CMTM6: variants seen among roughly 807,000 people sequenced by gnomAD.
CMTM6 encodes the protein CKLF like MARVEL transmembrane domain containing 6, also known as CKLF-like MARVEL transmembrane domain-containing protein 6.
A neutral mutation model predicts 13.6 loss-of-function variants in CMTM6; 5 were observed. The ratio of observed to expected loss-of-function variants is 0.37; its 90% CI spans 0.19 to 0.77. The LOEUF (loss-of-function observed/expected upper bound fraction) is 0.77, where lower values mean the gene tolerates loss of function less well. CMTM6 is among the 30% of genes least tolerant of loss of function. The pLI, the probability that CMTM6 is intolerant of heterozygous loss-of-function variation, is 0.50. For missense variants in CMTM6, 196 were observed against 218.6 expected (o/e 0.90, Z 0.65); for synonymous variants, 99 against 84.5 (o/e 1.17, Z -0.94).
chr3:32,492,013 A>C, intron 1 of CMTM6, 127 bp from the exon 2 acceptor site: 1 of 790,394 alleles, frequency 1.3e-6, no homozygotes, highest in East Asian at 2.7e-5. Flanking sequence ...AACAAGATTA[A>C]TGAATAAACC....
At chr3:32,492,796 C>T (rs1286466695) in intron 1 of CMTM6, among the ~76,000 whole-genome samples, 11 of 152,184 alleles carry the variant, frequency 7.2e-5, no homozygotes, top group South Asian at 2.1e-4. Flanking sequence ...AACTTAAAAA[C>T]GCACATTTAT....
At chr3:32,497,382 CA>C (rs144445988) in intron 1 of CMTM6, among the ~76,000 whole-genome samples, 1,941 of 53,592 alleles carry the variant, frequency 0.036, 18 homozygotes, top group Middle Eastern at 0.13. Context: ...GACTCTGTCT[CA>C]AAAAAAAAAA....
rs1397186708 is a variant in CMTM6 at position 32,483,448 on chromosome 3, A to G, written c.*512T>C. On this transcript the variant is annotated 3_prime_UTR_variant, in exon 4 of 4. Transcript: ENST00000205636. ...AAGCCTGGTAATATATGTTAAGGAA[A>G]AAAACCTAGACCAACATTTTAAATA... 6.6e-6 allele frequency: 1 copy of G among 152,422 alleles called. No individual in the cohort carries two copies. The highest frequency in any genetic ancestry group is 1.9e-4 in the East Asian group (1 of 5,206). The allele number at this position is 152,422 out of a possible 1,614,324, so 9.4% of individuals were successfully genotyped here.
intron 1 of CMTM6, among the ~76,000 whole-genome samples, chr3:32,501,545 T>G (rs1335608695): frequency 1.3e-5 from 2 of 152,228 alleles, no homozygotes; most frequent in African/African-American, 4.8e-5. Context: ...ATGTGATCAT[T>G]TTGATCGCTA....
rs1697169567 is a variant in CMTM6 at position 32,483,008 on chromosome 3, TAAGG to T, written c.*948_*951del. Reference sequence around the variant, plus strand: ...AACAGATTGGCTTCAAAGAAAACACTAAGGAAGACCCACAGAGCTGTATTAATTT... The same window carrying T: ...AACAGATTGGCTTCAAAGAAAACACTAAGACCCACAGAGCTGTATTAATTT... On this transcript the variant is annotated 3_prime_UTR_variant, in exon 4 of 4. Coordinates refer to ENST00000205636, the MANE Select transcript of CMTM6 (RefSeq NM_017801.3). The T allele has an allele frequency of 2.0e-5, 3 of 152,714 alleles. No homozygotes were observed. The South Asian group carries it at 6.2e-4, about 32-fold the overall frequency. 9.5% of individuals were successfully genotyped at this position (152,714 alleles called of 1,614,324 possible).
intron 1 of CMTM6, among the ~76,000 whole-genome samples, chr3:32,501,823 C>A (rs1697348072): frequency 6.6e-6 from 1 of 152,150 alleles, no homozygotes; most frequent in Non-Finnish European, 1.5e-5. Context: ...TAAACTGGTT[C>A]AACCATCAGT....
intron 1 of CMTM6, among the ~76,000 whole-genome samples, chr3:32,497,212 T>C (rs954492295): frequency 2.7e-4 from 41 of 151,088 alleles, no homozygotes; most frequent in African/African-American, 9.2e-4. Flanking sequence ...TGAAACCCCG[T>C]CTCTACTAAA....
chr3:32,502,160 G>T (rs556467839), intron 1 of CMTM6, among the ~76,000 whole-genome samples: 1 of 152,364 alleles, frequency 6.6e-6, no homozygotes, highest in South Asian at 2.1e-4. Context: ...ACTTTGTCCA[G>T]CAAGTTAAAC....
chr3:32,487,791 C>CT, intron 3 of CMTM6, 147 bp downstream of exon 3: 1 of 543,964 alleles, frequency 1.8e-6, no homozygotes. Flanking sequence ...TATTGATTTG[C>CT]TTGTAGGTCT....
intron 2 of CMTM6, among the ~76,000 whole-genome samples, chr3:32,490,551 C>A (rs1352413865): frequency 6.6e-6 from 1 of 152,034 alleles, no homozygotes; most frequent in Non-Finnish European, 1.5e-5. Flanking sequence ...ACTAATTTTT[C>A]TTTTTTCTCA....
At chr3:32,487,320 A>C (rs1697213257) in intron 3 of CMTM6, among the ~76,000 whole-genome samples, 1 of 152,140 alleles carries the variant, frequency 6.6e-6, no homozygotes, top group Non-Finnish European at 1.5e-5. Flanking sequence ...TAACCCACTG[A>C]AAACTGCTGT....
intron 3 of CMTM6, among the ~76,000 whole-genome samples, chr3:32,487,140 T>C (rs778183597): frequency 2.0e-5 from 3 of 152,258 alleles, no homozygotes; most frequent in Non-Finnish European, 4.4e-5. Flanking sequence ...CGACTGTGAA[T>C]GGGAAGGTGG....
Position 32,502,768 on chromosome 3 carries a change from C to A in CMTM6, c.-23G>T. The A allele has an allele frequency of 1.4e-6, 2 of 1,406,666 alleles. No homozygotes were observed. The highest frequency in any genetic ancestry group is 1.9e-6 in the Non-Finnish European group (2 of 1,080,194). The allele number at this position is 1,406,666 out of a possible 1,614,324, so 87.1% of individuals were successfully genotyped here. The stretch of plus-strand genomic sequence containing the variant: ...CATCGCCTCGGGCCGGGGAGCGCGG[C>A]GGCCGCAGCAACCGCGCCGTTGACT... On this transcript the variant is annotated 5_prime_UTR_variant, in exon 1 of 4. Coordinates refer to ENST00000205636, the MANE Select transcript of CMTM6 (RefSeq NM_017801.3).
chr3:32,487,051 T>C (rs1377372246), intron 3 of CMTM6, among the ~76,000 whole-genome samples: 3 of 152,194 alleles, frequency 2.0e-5, no homozygotes, highest in Admixed American at 1.3e-4. Context: ...TATTTCTATA[T>C]AGCAGGGCAA....
chr3:32,484,287 T>A (rs1000017925), intron 3 of CMTM6, among the ~76,000 whole-genome samples, 190 bp from the exon 4 acceptor site: 3 of 152,196 alleles, frequency 2.0e-5, no homozygotes, highest in Non-Finnish European at 4.4e-5. Context: ...AAAGAAAAAC[T>A]TCCAGAATAA....
At position 32,484,093 on chromosome 3, in the gene CMTM6, A is replaced by C. The variant is rs529053906; in HGVS notation, c.419T>G (p.Phe140Cys). 5.1e-5 allele frequency: 81 copies of C among 1,591,922 alleles called. No homozygotes were observed. The South Asian group carries it at 8.8e-4, about 17-fold the overall frequency. ...RTSAEIAAIV[F>C]GFIASFMFLL... The stretch of plus-strand genomic sequence containing the variant: ...GAACATAAAACTTGCTATAAATCCA[A>C]ACACCTGAGGAAAAAAAGGAGGAAA... The change falls in exon 4 of 4, where the codon TTT (phenylalanine) becomes TGT (cysteine). Residue 140 changes from phenylalanine to cysteine, a missense_variant. Around this residue, in one of 2 missense-constraint regions of CMTM6, gnomAD observed 111 missense variants for 160.0 expected, o/e 0.69. Transcript: ENST00000205636.
intron 1 of CMTM6, among the ~76,000 whole-genome samples, 159 bp downstream of exon 1, chr3:32,502,449 T>G (rs1353187608): frequency 2.0e-5 from 3 of 151,878 alleles, no homozygotes; most frequent in African/African-American, 4.8e-5. Context: ...GGGCGGAGGG[T>G]AACGCCCCCT....
At chr3:32,491,628 A>C (rs1425448911) in intron 2 of CMTM6, 82 bp downstream of exon 2, 1 of 1,258,408 alleles carries the variant, frequency 7.9e-7, no homozygotes, top group African/African-American at 1.5e-5. Flanking sequence ...TGAGTTTTGA[A>C]AACATTACTG....
At chr3:32,494,071 G>A (rs1697270270) in intron 1 of CMTM6, among the ~76,000 whole-genome samples, 1 of 152,176 alleles carries the variant, frequency 6.6e-6, no homozygotes, top group Non-Finnish European at 1.5e-5. Context: ...TAAATACTTA[G>A]GCAGAAACCA....
Sources: allele counts gnomAD v4.1 joint callset (sites outside exome capture counted in the v4.1 genomes callset), GRCh38; gene constraint gnomAD v4.1.1; regional missense constraint gnomAD v4.1.1; transcripts MANE v1.5; gene names NCBI Gene and HGNC (gene_info 2026-07-23, HGNC 2026-07-21).